CEP131: variants seen among roughly 807,000 people sequenced by gnomAD.
CEP131 encodes centrosomal protein of 131 kDa.
CEP131 carries 99 observed loss-of-function variants against 136.8 expected under a neutral mutation model. That is an observed-to-expected ratio of 0.72 (90% CI 0.62 to 0.86). The LOEUF is 0.86. CEP131 is among the 40% of genes least tolerant of loss of function. CEP131 has a pLI of 0.00. For missense variants in CEP131, 1,459 were observed against 1,463.0 expected (o/e 1.00, Z 0.04); for synonymous variants, 646 against 612.7 (o/e 1.05, Z -0.80).
chr17:81,207,500 T>C (rs1441815609), intron 3 of CEP131, among the ~76,000 whole-genome samples: 1 of 151,522 alleles, frequency 6.6e-6, no homozygotes, highest in Non-Finnish European at 1.5e-5. Flanking sequence ...CTTATTTGTT[T>C]TTTCTTTTCT....
At chr17:81,221,223 G>A (rs1479967516) in intron 1 of CEP131, among the ~76,000 whole-genome samples, 1 of 151,734 alleles carries the variant, frequency 6.6e-6, no homozygotes, top group East Asian at 1.9e-4. Context: ...AACACTCCCT[G>A]GGTAATGTGT....
At chr17:81,210,197 C>A (rs192412025) in intron 2 of CEP131, among the ~76,000 whole-genome samples, 24 of 152,302 alleles carry the variant, frequency 1.6e-4, no homozygotes, top group Admixed American at 1.5e-3. Flanking sequence ...GCTTAAAAAC[C>A]CTCCAAATCG....
Position 81,192,548 on chromosome 17 carries a change from G to A in CEP131, c.2475C>T (p.Ser825=). 6.2e-7 allele frequency: 1 copy of A among 1,610,006 alleles called. No homozygotes were observed. ...LEELRQQLEE[S]SSALTRALRA... ...TCAGGGCTCGGGTCAGTGCAGAGCT[G>A]CTCTCCTCCAGCTGCTGCCTCAGCT... The change falls in exon 20 of 26, where the codon AGC becomes AGT. Residue 825 remains serine (S), a synonymous_variant. Coordinates refer to ENST00000450824, the MANE Select transcript of CEP131 (RefSeq NM_014984.4).
chr17:81,191,094 G>A lies in CEP131; in HGVS notation c.2766-10C>T, dbSNP rs538248087. ...CCGTAAGCGCTTGATGCTGGAGGTG[G>A]GGGGAGGGCAGGGTCACTCCAGCCC... On this transcript the variant is annotated splice_polypyrimidine_tract_variant and intron_variant, in intron 22 of 25. Transcript: ENST00000450824. 7 of 1,599,630 alleles carry A rather than the reference G, an allele frequency of 4.4e-6. No individual in the cohort carries two copies. The highest frequency in any genetic ancestry group is 5.1e-6 in the Non-Finnish European group (6 of 1,171,832).
chr17:81,210,731 G>A (rs1207632052), intron 2 of CEP131, among the ~76,000 whole-genome samples: 3 of 151,834 alleles, frequency 2.0e-5, no homozygotes, highest in African/African-American at 4.8e-5. Context: ...ATGGGACCTC[G>A]GGTCTCCAGT....
intron 7 of CEP131, among the ~76,000 whole-genome samples, chr17:81,200,686 C>T (rs1173060887): frequency 6.6e-6 from 1 of 152,216 alleles, no homozygotes; most frequent in African/African-American, 2.4e-5. Flanking sequence ...GGAGAGGAAA[C>T]GCCTACCCAC....
rs1180044883 is a variant in CEP131, at chr17:81,203,232, G to A, written c.629+262C>T. On this transcript the variant is annotated intron_variant, in intron 6 of 25. Transcript: ENST00000450824. This position sits in a 1 kb window ranked among gnomAD's most constrained non-coding sequence, Gnocchi z 4.6. ...CTGGGCTGTTTTCTCTCTGTGGGAA[G>A]CTGCCGACCCAAGAACAGAAGAGGG... is the stretch of plus-strand genomic sequence containing the variant. Among the ~76,000 whole-genome samples the A allele has an allele frequency of 6.6e-6, 1 of 152,220 alleles. No homozygotes were observed. Among genetic ancestry groups the A allele is most frequent in the African/African-American group, 2.4e-5 (1 of 41,468 alleles).
chr17:81,195,774 C>A, intron 16 of CEP131, 61 bp downstream of exon 16: 1 of 1,456,370 alleles, frequency 6.9e-7, no homozygotes, highest in Non-Finnish European at 9.4e-7. Context: ...GGGGCTGTGC[C>A]AGCTGAGCCT....
At chr17:81,211,258 C>T (rs559071087) in intron 2 of CEP131, among the ~76,000 whole-genome samples, 2 of 152,286 alleles carry the variant, frequency 1.3e-5, no homozygotes, top group East Asian at 1.9e-4. Context: ...CCAAACTGGG[C>T]GCTGGAAAGG....
intron 17 of CEP131, 39 bp from the exon 18 acceptor site, chr17:81,194,166 G>T: frequency 6.9e-7 from 1 of 1,458,582 alleles, no homozygotes; most frequent in Non-Finnish European, 9.1e-7. Context: ...GTCCAGCTAG[G>T]GTGGGCCCGG....
At chr17:81,206,063 G>GGGCGTGGT (rs1489098501) in intron 5 of CEP131, among the ~76,000 whole-genome samples, 1 of 152,064 alleles carries the variant, frequency 6.6e-6, no homozygotes, top group African/African-American at 2.4e-5. Flanking sequence ...AAAATTACTC[G>GGGCGTGGT]GGCGTGGTGG....
At chr17:81,202,611 C>T (rs999273680) in intron 6 of CEP131, among the ~76,000 whole-genome samples, 1 of 152,152 alleles carries the variant, frequency 6.6e-6, no homozygotes, top group African/African-American at 2.4e-5. Flanking sequence ...CTGACAAGGT[C>T]CCACTCACTG....
rs1210904829 is a variant in CEP131, at chr17:81,200,388, C to A, written c.847G>T (p.Val283Leu). The part of the protein sequence containing the change: ...VTIQRWYRHQ[V>L]QRRGAGAARL... ...GCAGCTCCTGCTCCGCGCCGCTGCACCTGGTGCCGGTACCAGCGCTGGATG... is the reference window on the plus strand; with the variant it reads ...GCAGCTCCTGCTCCGCGCCGCTGCAACTGGTGCCGGTACCAGCGCTGGATG... The change falls in exon 8 of 26, where the codon GTG (valine) becomes TTG (leucine). Residue 283 changes from valine to leucine, a missense_variant. Physicochemically the swap from Val to Leu is conservative, Grantham distance 32. Around this residue, in one of 3 missense-constraint regions of CEP131, gnomAD observed 246 missense variants for 318.9 expected, o/e 0.77. Transcript: ENST00000450824. The A allele has an allele frequency of 1.9e-6, 3 of 1,569,136 alleles. No homozygotes were observed. The African/African-American group carries it at 4.1e-5, about 21-fold the overall frequency.
In CEP131 at chr17:81,190,797, G is replaced by T. The variant is rs202137625; in HGVS notation, c.2949C>A (p.Asn983Lys). 5 of 1,606,968 alleles carry T rather than the reference G, an allele frequency of 3.1e-6. No homozygotes were observed. The East Asian group carries it at 1.1e-4, about 36-fold the overall frequency. ...TGCTGCGCTCGCTAGAAAGCTGCTC[G>T]TTCACCTGGGTGGGCACAGAAGGCA... Reference protein sequence around the residue: ...ERALEDAQAVNEQLSSERSNL... With the variant: ...ERALEDAQAVKEQLSSERSNL... The change falls in exon 24 of 26, where the codon AAC becomes AAA. Residue 983 changes from asparagine to lysine, a missense_variant. Physicochemically the swap from Asn to Lys is moderately conservative, Grantham distance 94. This residue lies in a region of CEP131 where 1,026 missense variants were observed against 964.2 expected (regional missense o/e 1.06). Transcript: ENST00000450824.
rs2061696735 is a variant in CEP131, at chr17:81,193,917, ACCAC to A, written c.2321+5_2321+8del. 6.5e-7 allele frequency: 1 copy of A among 1,532,564 alleles called. No homozygotes were observed. The highest frequency in any genetic ancestry group is 8.8e-7 in the Non-Finnish European group (1 of 1,142,242). The allele number at this position is 1,532,564 out of a possible 1,614,324, so 94.9% of individuals were successfully genotyped here. ...GTCCTGGCCCCACCGGCCTGGGGCC[ACCAC>A]CCACCGCTGCCGAGCACGTTCGCGC... On this transcript the variant is annotated splice_donor_5th_base_variant and intron_variant, in intron 18 of 25. Transcript: ENST00000450824.
intron 16 of CEP131, among the ~76,000 whole-genome samples, chr17:81,195,450 C>T (rs1158457874): frequency 6.6e-6 from 1 of 152,190 alleles, no homozygotes; most frequent in Admixed American, 6.5e-5. Flanking sequence ...GCTCACACAG[C>T]GGGAAGGGGC....
chr17:81,199,029 C>T, intron 10 of CEP131, 58 bp from the exon 11 acceptor site: 1 of 1,423,530 alleles, frequency 7.0e-7, no homozygotes, highest in Non-Finnish European at 9.2e-7. Flanking sequence ...GGCAGCAACT[C>T]TGGAGGCACC....
rs78180433 is a variant in CEP131 at position 81,198,372 on chromosome 17, G to A, written c.1288-75C>T. ...GCAGCCCCCACATAGGAGGCCAACC[G>A]CAGAGCCCCAAAGGCGCCGCGGGAG... On this transcript the variant is annotated intron_variant, in intron 11 of 25. Coordinates refer to ENST00000450824, the MANE Select transcript of CEP131 (RefSeq NM_014984.4). The A allele has an allele frequency of 1.1e-3, 1,584 of 1,444,916 alleles. 14 individuals carry two copies. In the African/African-American group the frequency reaches 0.017, roughly 16 times the overall value. The allele number at this position is 1,444,916 out of a possible 1,614,324, so 89.5% of individuals were successfully genotyped here.
chr17:81,192,620 G>A (rs752180176), intron 19 of CEP131, 27 bp from the exon 20 acceptor site: 5 of 1,591,702 alleles, frequency 3.1e-6, no homozygotes, highest in South Asian at 2.2e-5. Context: ...GTCAGCAGGT[G>A]AGGGGTCATC....
Sources: allele counts gnomAD v4.1 joint callset (sites outside exome capture counted in the v4.1 genomes callset), GRCh38; gene constraint gnomAD v4.1.1; regional missense constraint gnomAD v4.1.1; non-coding constraint Gnocchi (gnomAD v3.1); transcripts MANE v1.5; gene names NCBI Gene and HGNC (gene_info 2026-07-23, HGNC 2026-07-21).